Variants in TMTC3 observed in about 807,000 individuals in gnomAD.
TMTC3 encodes protein O-mannosyl-transferase TMTC3.
In TMTC3, 52 loss-of-function variants were observed where a neutral mutation model predicts 92.2. The ratio of observed to expected loss-of-function variants is 0.56; its 90% CI spans 0.45 to 0.71. The LOEUF is 0.71. Among genes scored for constraint, TMTC3 ranks in the 30% least tolerant of loss-of-function variants. The pLI, the probability that TMTC3 is intolerant of heterozygous loss-of-function variation, is 0.00. For missense variants in TMTC3, 896 were observed against 1,057.1 expected (o/e 0.85, Z 2.11); for synonymous variants, 339 against 363.3 (o/e 0.93, Z 0.76).
intron 13 of TMTC3, 63 bp downstream of exon 13, chr12:88,192,893 A>C: frequency 7.5e-7 from 1 of 1,332,274 alleles, no homozygotes; most frequent in East Asian, 2.5e-5. Flanking sequence ...TAAGACCTTA[A>C]TTTAACTTTA....
In TMTC3 at chr12:88,192,736, A is replaced by G; in HGVS notation, c.1839A>G (p.Pro613=). The change falls in exon 13 of 14, where the codon CCA becomes CCG. Residue 613 remains proline (P), a synonymous_variant. Coordinates refer to ENST00000266712, the MANE Select transcript of TMTC3 (RefSeq NM_181783.4). ...LAIVHIELKE[P]NEALKNFNRA... ...TTGTACATATTGAACTTAAAGAACC[A>G]AATGAAGCCCTAAAAAACTTTAATC... 2 of 1,613,574 alleles carry G rather than the reference A, an allele frequency of 1.2e-6. No homozygotes were observed. The highest frequency in any genetic ancestry group is 1.7e-6 in the Non-Finnish European group (2 of 1,179,694).
intron 9 of TMTC3, among the ~76,000 whole-genome samples, chr12:88,175,748 A>G (rs945256762): frequency 3.9e-5 from 6 of 152,310 alleles, no homozygotes; most frequent in Non-Finnish European, 7.3e-5. Flanking sequence ...CACTACGGCA[A>G]TCTGCGAACT....
chr12:88,190,564 C>G lies in TMTC3; in HGVS notation c.1648C>G (p.Gln550Glu). ...ANESRLEEADQLYRQAISMRP... is the reference protein window; with the variant it reads ...ANESRLEEADELYRQAISMRP... Reference sequence around the variant, plus strand: ...TGAGTCCCGACTGGAAGAAGCAGATCAGCTGTACCGTCAAGCAATAAGCAT... The same window carrying G: ...TGAGTCCCGACTGGAAGAAGCAGATGAGCTGTACCGTCAAGCAATAAGCAT... Residue 550 changes from glutamine (Q) to glutamate (E), a missense_variant, in exon 12 of 14, where the codon CAG (glutamine) becomes GAG (glutamate). Gln to Glu is a conservative substitution (Grantham distance 29, BLOSUM62 2). Transcript: ENST00000266712. The G allele has an allele frequency of 6.2e-7, 1 of 1,613,930 alleles. No individual in the cohort carries two copies. Among genetic ancestry groups the G allele is most frequent in the Non-Finnish European group, 8.5e-7 (1 of 1,179,916 alleles).
chr12:88,194,708 CTTTT>C, intron 13 of TMTC3, 126 bp from the exon 14 acceptor site: 1 of 644,032 alleles, frequency 1.6e-6, no homozygotes, highest in Non-Finnish European at 2.3e-6. Context: ...TTGCTTTCTA[CTTTT>C]TTTAACTATG....
rs2041501051 is a variant in TMTC3 at position 88,195,514 on chromosome 12, CAACA to C, written c.2616_2619del (p.Lys872AsnfsTer2). The C allele has an allele frequency of 1.9e-6, 3 of 1,612,924 alleles. No individual in the cohort carries two copies. Among genetic ancestry groups the C allele is most frequent in the African/African-American group, 1.3e-5 (1 of 74,722 alleles). ...GTGATAATAAAAGTCAGTCTAAATC[CAACA>C]AACAATTAGGAAAAAATGGAGACGA... is the stretch of plus-strand genomic sequence containing the variant. On this transcript the variant is annotated frameshift_variant, in exon 14 of 14. Transcript: ENST00000266712. LOFTEE classifies it high-confidence loss of function.
chr12:88,195,208 A>G lies in TMTC3; in HGVS notation c.2304A>G (p.Pro768=). Residue 768 remains proline, a synonymous_variant, in exon 14 of 14, where the codon CCA becomes CCG. Transcript: ENST00000266712. ...TTGAAAGGATTTTGGAGATGGATCC[A>G]AGCAATGTGCAAGGAAAACACAATC... is the stretch of plus-strand genomic sequence containing the variant. ...KCFERILEMD[P]SNVQGKHNLC... is the part of the protein sequence containing the mutation. 1 of 1,613,920 alleles carries G rather than the reference A, an allele frequency of 6.2e-7. No individual in the cohort carries two copies. Among genetic ancestry groups the G allele is most frequent in the Non-Finnish European group, 8.5e-7 (1 of 1,179,926 alleles).
intron 8 of TMTC3, among the ~76,000 whole-genome samples, chr12:88,174,181 T>C (rs746728197): frequency 1.8e-4 from 27 of 152,060 alleles, no homozygotes; most frequent in Non-Finnish European, 3.5e-4. Context: ...ACCAAAAATA[T>C]CATGATAGTC....
chr12:88,176,523 C>A (rs2041261584), intron 10 of TMTC3, among the ~76,000 whole-genome samples: 2 of 152,112 alleles, frequency 1.3e-5, no homozygotes. Context: ...CACCTGTATT[C>A]CCAGCACTTT....
chr12:88,173,176 T>C (rs761161865), intron 8 of TMTC3: 1,089 of 1,034,006 alleles, frequency 1.1e-3, no homozygotes, highest in Non-Finnish European at 1.3e-3. Flanking sequence ...CATTATAATC[T>C]TTGTATCCTA....
intron 10 of TMTC3, among the ~76,000 whole-genome samples, chr12:88,180,584 G>C (rs2041306770): frequency 6.6e-6 from 1 of 152,218 alleles, no homozygotes; most frequent in Non-Finnish European, 1.5e-5. Flanking sequence ...AGCCTCCTGA[G>C]TTATCTTCTT....
intron 12 of TMTC3, among the ~76,000 whole-genome samples, chr12:88,191,576 A>AT (rs1223585071): frequency 6.6e-6 from 1 of 152,228 alleles, no homozygotes; most frequent in African/African-American, 2.4e-5. Context: ...CTAACAGAAA[A>AT]TAGAACCACA....
intron 12 of TMTC3, among the ~76,000 whole-genome samples, chr12:88,192,028 C>CTTTTTTTTTTTTTTTTTTTT (rs112229647): frequency 6.5e-5 from 8 of 123,014 alleles, no homozygotes; most frequent in African/African-American, 2.4e-4. Flanking sequence ...TTTTTTTTTT[C>CTTTTTTTTTTTTTTTTTTTT]TTTTTTTTTT....
In TMTC3 at chr12:88,149,774, G is replaced by A. The variant is rs79816126; in HGVS notation, c.189+1270G>A. Among the ~76,000 whole-genome samples, 941 of 152,072 alleles carry A rather than the reference G, an allele frequency of 6.2e-3. 15 individuals are homozygous for A. The highest frequency in any genetic ancestry group is 0.022 in the African/African-American group (903 of 41,480). ...ACATATAATTATTTTGTCTTATTTAGTAAGAAGACTTTATTCGCCTTTTTG... is the reference window on the plus strand; with the variant it reads ...ACATATAATTATTTTGTCTTATTTAATAAGAAGACTTTATTCGCCTTTTTG... On this transcript the variant is annotated intron_variant, in intron 2 of 13. Coordinates refer to ENST00000266712, the MANE Select transcript of TMTC3 (RefSeq NM_181783.4).
In TMTC3 at chr12:88,148,803, G is replaced by T. The variant is rs558477148; in HGVS notation, c.189+299G>T. 3.3e-4 allele frequency among the ~76,000 whole-genome samples: 50 copies of T among 151,572 alleles called. 2 individuals carry two copies. In the South Asian group the frequency reaches 9.8e-3, roughly 30 times the overall value. The stretch of plus-strand genomic sequence containing the variant: ...CAGATTTGTCACGTGGGTATATTGC[G>T]TTATGCTGATGTTTGGGGTACCAAT... On this transcript the variant is annotated intron_variant, in intron 2 of 13. Transcript: ENST00000266712.
At chr12:88,145,032 A>G (rs1239405484) in intron 1 of TMTC3, among the ~76,000 whole-genome samples, 3 of 152,178 alleles carry the variant, frequency 2.0e-5, no homozygotes, top group African/African-American at 7.2e-5. Flanking sequence ...TCTGACCAAA[A>G]TCACTTCACA....
intron 12 of TMTC3, 35 bp downstream of exon 12, chr12:88,190,657 A>G (rs1479401592): frequency 6.3e-7 from 1 of 1,597,216 alleles, no homozygotes; most frequent in East Asian, 2.2e-5. Flanking sequence ...TCATTATGGA[A>G]TATTGAAACT....
intron 11 of TMTC3, among the ~76,000 whole-genome samples, chr12:88,189,818 A>G (rs2041422759): frequency 6.6e-6 from 1 of 152,166 alleles, no homozygotes; most frequent in Non-Finnish European, 1.5e-5. Context: ...TTTTTATAAT[A>G]CATAGTATAT....
chr12:88,179,699 C>T (rs2041296178), intron 10 of TMTC3, among the ~76,000 whole-genome samples: 2 of 151,954 alleles, frequency 1.3e-5, no homozygotes, highest in Admixed American at 1.3e-4. Context: ...AGTGCAGCAG[C>T]CACCAAGAGA....
intron 2 of TMTC3, among the ~76,000 whole-genome samples, chr12:88,151,788 C>CT (rs1255136547): frequency 3.9e-5 from 6 of 152,250 alleles, no homozygotes; most frequent in Admixed American, 3.3e-4. Flanking sequence ...TCCTTTTCTA[C>CT]TTTCTAGTAC....
Sources: gnomAD v4.1 joint callset for allele counts (sites outside exome capture counted in the v4.1 genomes callset) on GRCh38, gnomAD v4.1.1 for gene constraint, MANE v1.5 for transcripts, NCBI Gene and HGNC (gene_info 2026-07-23, HGNC 2026-07-21) for gene names.